Variants in USP20 observed in about 807,000 individuals in gnomAD.
USP20 encodes the protein ubiquitin specific peptidase 20, also known as ubiquitin carboxyl-terminal hydrolase 20.
Under a neutral mutation model 124.2 loss-of-function variants are expected in USP20, and 80 were observed. The observed-to-expected ratio is 0.64, with a 90% confidence interval of 0.54 to 0.78. The LOEUF (loss-of-function observed/expected upper bound fraction) is 0.78. Ranked by LOEUF, USP20 falls within the 30% of genes least tolerant of loss-of-function variation. The probability of loss-of-function intolerance (pLI) is 0.00; values close to 1 mark genes in which losing one functional copy is unlikely to be tolerated. For synonymous variants in USP20, 481 were observed against 512.3 expected, an observed-to-expected ratio of 0.94 and a Z score of 0.83; for missense variants, 1,043 against 1,244.4, an observed-to-expected ratio of 0.84 and a Z score of 2.44.
rs2034618160 is a variant in USP20, at chr9:129,881,034, GAAC to G, written c.*586_*588del. 6.6e-6 allele frequency: 1 copy of G among 152,422 alleles called. No individual in the cohort carries two copies. Among genetic ancestry groups the G allele is most frequent in the African/African-American group, 2.4e-5 (1 of 41,464 alleles). The allele number at this position is 152,422 out of a possible 1,614,324, so 9.4% of individuals were successfully genotyped here. On this transcript the variant is annotated 3_prime_UTR_variant, in exon 26 of 26. Coordinates refer to ENST00000372429, the MANE Select transcript of USP20 (RefSeq NM_001110303.4). ...AAGACTCTGGACTCATTGCTGATTG[GAAC>G]ACCAGGAGGAGGTTGGATTTCTGCC...
At chr9:129,850,666 G>A (rs767399924) in intron 2 of USP20, among the ~76,000 whole-genome samples, 1 of 152,004 alleles carries the variant, frequency 6.6e-6, no homozygotes, top group Non-Finnish European at 1.5e-5. Context: ...GTGTGTGTGT[G>A]TGTTTTGGGA....
At chr9:129,862,631 C>T (rs2131071235) in intron 8 of USP20, among the ~76,000 whole-genome samples, 1 of 151,828 alleles carries the variant, frequency 6.6e-6, no homozygotes, top group Non-Finnish European at 1.5e-5. Flanking sequence ...CTTGGCTGGG[C>T]ACCGTGGCTT....
chr9:129,861,699 C>T (rs2033559987), intron 8 of USP20, 87 bp downstream of exon 8: 1 of 1,274,966 alleles, frequency 7.8e-7, no homozygotes, highest in Non-Finnish European at 1.1e-6. Flanking sequence ...GCCGGTTGCC[C>T]ACAAACACAT....
intron 10 of USP20, 76 bp downstream of exon 10, chr9:129,865,457 T>A: frequency 6.6e-7 from 1 of 1,510,620 alleles, no homozygotes; most frequent in Non-Finnish European, 9.2e-7. Context: ...AAAACCAGAG[T>A]GGAAAATCGC....
chr9:129,859,427 C>T (rs1037976550), intron 6 of USP20, among the ~76,000 whole-genome samples: 1 of 150,884 alleles, frequency 6.6e-6, no homozygotes, highest in East Asian at 2.0e-4. Context: ...GCGCCCACGA[C>T]CATGCCTGGC....
intron 1 of USP20, among the ~76,000 whole-genome samples, chr9:129,838,128 G>A (rs577307966): frequency 2.0e-5 from 3 of 149,780 alleles, no homozygotes; most frequent in African/African-American, 7.4e-5. Context: ...TCCAACCTCC[G>A]CCTCCCAGGT....
Position 129,868,279 on chromosome 9 carries a change from C to A in USP20, c.965C>A (p.Ser322Tyr). Residue 322 changes from serine to tyrosine, a missense_variant, in exon 11 of 26, where the codon TCT (serine) becomes TAT (tyrosine). By Grantham distance (144) the Ser-to-Tyr change is moderately radical. Transcript: ENST00000372429. ...CCAGATGAGGCGGGCCGAGCCATCT[C>A]TGAGAAGGAGCGGATGAAGGACCGC... is the stretch of plus-strand genomic sequence containing the variant. ...LIPDEAGRAI[S>Y]EKERMKDRKF... The A allele has an allele frequency of 6.2e-7, 1 of 1,614,040 alleles. No individual in the cohort carries two copies. Among genetic ancestry groups the A allele is most frequent in the East Asian group, 2.2e-5 (1 of 44,874 alleles).
intron 17 of USP20, 71 bp downstream of exon 17, chr9:129,873,815 G>A: frequency 1.9e-6 from 3 of 1,557,278 alleles, no homozygotes; most frequent in Admixed American, 3.4e-5. Flanking sequence ...CCAGGCAGGG[G>A]CTGAGCCTGC....
intron 2 of USP20, among the ~76,000 whole-genome samples, chr9:129,850,360 C>T (rs921245815): frequency 6.6e-6 from 1 of 152,190 alleles, no homozygotes; most frequent in African/African-American, 2.4e-5. Flanking sequence ...GCCAACATTC[C>T]TATGAGACCT....
chr9:129,842,746 A>G (rs2032302619), intron 1 of USP20, among the ~76,000 whole-genome samples: 1 of 151,982 alleles, frequency 6.6e-6, no homozygotes, highest in Non-Finnish European at 1.5e-5. Context: ...GGCATGTGCC[A>G]CCACACCTGG....
At chr9:129,850,672 T>G (rs1390809143) in intron 2 of USP20, among the ~76,000 whole-genome samples, 1 of 151,964 alleles carries the variant, frequency 6.6e-6, no homozygotes, top group African/African-American at 2.4e-5. Context: ...GTGTGTGTTT[T>G]GGGATGGAGT....
intron 2 of USP20, 25 bp from the exon 3 acceptor site, chr9:129,852,515 C>G: frequency 6.4e-7 from 1 of 1,561,522 alleles, no homozygotes; most frequent in Non-Finnish European, 8.7e-7. Context: ...GCCATTAACC[C>G]GGGATTGCTT....
intron 9 of USP20, among the ~76,000 whole-genome samples, chr9:129,864,469 CAAAAAA>C (rs575582320): frequency 0.2 from 22,985 of 116,432 alleles, 2,147 homozygotes; most frequent in Middle Eastern, 0.27. Context: ...GACCCTGTCT[CAAAAAA>C]AAAAAAAAAA....
chr9:129,880,429 T>G, intron 25 of USP20, 38 bp from the exon 26 acceptor site: 2 of 1,035,826 alleles, frequency 1.9e-6, no homozygotes, highest in Non-Finnish European at 2.7e-6. Flanking sequence ...GCCCTGGACA[T>G]GGCCCGGCCC....
At chr9:129,861,059 C>G in intron 7 of USP20, 26 bp downstream of exon 7, 1 of 1,607,680 alleles carries the variant, frequency 6.2e-7, no homozygotes, top group African/African-American at 1.3e-5. Flanking sequence ...GCAGGGGAAG[C>G]TGATGGGCTG....
intron 3 of USP20, among the ~76,000 whole-genome samples, chr9:129,854,429 G>T (rs931209917): frequency 3.3e-5 from 5 of 152,168 alleles, no homozygotes; most frequent in African/African-American, 1.2e-4. Flanking sequence ...AAGTCTTCAT[G>T]TACAGACTTG....
chr9:129,858,392 C>A (rs41279144), intron 5 of USP20, 75 bp from the exon 6 acceptor site: 33 of 1,594,218 alleles, frequency 2.1e-5, no homozygotes, highest in Admixed American at 7.0e-5. Flanking sequence ...GGCTGGGGAG[C>A]GGAGCAGCCA....
At position 129,880,286 on chromosome 9, in the gene USP20, G is replaced by C. The variant is rs558266247; in HGVS notation, c.*13G>C. 3.2e-6 allele frequency: 5 copies of C among 1,575,132 alleles called. No homozygotes were observed. The highest frequency in any genetic ancestry group is 4.3e-6 in the Non-Finnish European group (5 of 1,163,372). On this transcript the variant is annotated 3_prime_UTR_variant, in exon 25 of 26. Coordinates refer to ENST00000372429, the MANE Select transcript of USP20 (RefSeq NM_001110303.4). ...GCGGGCCGTGTGATCTGCTGGGCTA[G>C]TCTGTAAGTCGCCCCGGCTGGTCCC...
chr9:129,848,247 G>A (rs536200789), intron 1 of USP20, among the ~76,000 whole-genome samples: 30 of 152,150 alleles, frequency 2.0e-4, no homozygotes, highest in Middle Eastern at 6.8e-3. Flanking sequence ...GGTGAGCTGA[G>A]ATCGCACCAT....
Sources: gnomAD v4.1 joint callset for allele counts (sites outside exome capture counted in the v4.1 genomes callset) on GRCh38, gnomAD v4.1.1 for gene constraint, MANE v1.5 for transcripts, NCBI Gene and HGNC (gene_info 2026-07-23, HGNC 2026-07-21) for gene names.